Variants in LHFPL6 observed in about 807,000 individuals in gnomAD.
The protein encoded by LHFPL6 is LHFPL tetraspan subfamily member 6, also known as LHFPL tetraspan subfamily member 6 protein.
A neutral mutation model predicts 20.6 loss-of-function variants in LHFPL6; 9 were observed. The observed-to-expected ratio is 0.44, with a 90% CI of 0.26 to 0.76. The LOEUF (loss-of-function observed/expected upper bound fraction) is 0.76, where lower values mean the gene tolerates loss of function less well. Among genes scored for constraint, LHFPL6 ranks in the 30% least tolerant of loss-of-function variants. LHFPL6 has a pLI of 0.20. For synonymous variants in LHFPL6, 105 were observed against 98.7 expected (o/e 1.06, Z -0.38); for missense variants, 218 against 253.5 (o/e 0.86, Z 0.95).
intron 3 of LHFPL6, among the ~76,000 whole-genome samples, chr13:39,373,796 T>G (rs934447913): frequency 6.6e-6 from 1 of 152,078 alleles, no homozygotes. Context: ...TCACTAATTA[T>G]CAAAGAAATG....
chr13:39,402,373 C>T (rs1048105705), intron 2 of LHFPL6, among the ~76,000 whole-genome samples: 1 of 152,068 alleles, frequency 6.6e-6, no homozygotes, highest in African/African-American at 2.4e-5. Flanking sequence ...TATAGGCACG[C>T]ACCACTATGC....
At chr13:39,440,815 G>A (rs1265134679) in intron 2 of LHFPL6, among the ~76,000 whole-genome samples, 1 of 152,160 alleles carries the variant, frequency 6.6e-6, no homozygotes, top group Non-Finnish European at 1.5e-5. Flanking sequence ...GGTGGGAGAT[G>A]ATTGAATTAC....
intron 2 of LHFPL6, among the ~76,000 whole-genome samples, chr13:39,564,176 T>C (rs554191359): frequency 1.5e-4 from 23 of 152,162 alleles, no homozygotes; most frequent in African/African-American, 3.9e-4. Context: ...CGCAGACAAA[T>C]TGTCAAGGCC....
chr13:39,549,975 G>C (rs1871100039), intron 2 of LHFPL6, among the ~76,000 whole-genome samples: 1 of 152,098 alleles, frequency 6.6e-6, no homozygotes, highest in East Asian at 1.9e-4. Context: ...CTGGGAGGTT[G>C]GGAGAAAATG....
chr13:39,488,603 T>G (rs1868804052), intron 2 of LHFPL6, among the ~76,000 whole-genome samples: 1 of 152,184 alleles, frequency 6.6e-6, no homozygotes, highest in Non-Finnish European at 1.5e-5. Context: ...CGTGAAGAAA[T>G]TCTTACTACC....
chr13:39,554,076 A>G (rs929753595), intron 2 of LHFPL6, among the ~76,000 whole-genome samples: 3 of 152,190 alleles, frequency 2.0e-5, no homozygotes, highest in East Asian at 1.9e-4. Context: ...ATTTCATTCT[A>G]TAACTTTCTT....
At chr13:39,395,602 G>A (rs1566101721) in intron 2 of LHFPL6, among the ~76,000 whole-genome samples, 2 of 152,210 alleles carry the variant, frequency 1.3e-5, no homozygotes, top group Non-Finnish European at 2.9e-5. Context: ...GAGGTGCCGT[G>A]GACCTCAGTC....
chr13:39,364,062 G>A (rs1186374660), intron 3 of LHFPL6, among the ~76,000 whole-genome samples: 3 of 152,130 alleles, frequency 2.0e-5, no homozygotes, highest in South Asian at 4.1e-4. Context: ...TCACACATGC[G>A]ATCCATCATT....
intron 2 of LHFPL6, among the ~76,000 whole-genome samples, chr13:39,462,579 T>C (rs898308035): frequency 3.9e-5 from 6 of 152,178 alleles, no homozygotes; most frequent in Non-Finnish European, 7.3e-5. Context: ...TACACAAACC[T>C]GTATTAAGCA....
At chr13:39,468,743 T>C (rs1361410900) in intron 2 of LHFPL6, among the ~76,000 whole-genome samples, 1 of 152,162 alleles carries the variant, frequency 6.6e-6, no homozygotes, top group South Asian at 2.1e-4. Context: ...TCTCTGCATA[T>C]GATTACAATT....
chr13:39,485,458 C>A (rs928637364), intron 2 of LHFPL6, among the ~76,000 whole-genome samples: 2 of 152,108 alleles, frequency 1.3e-5, no homozygotes, highest in African/African-American at 2.4e-5. Flanking sequence ...ATTAGCAACC[C>A]TATGGGTCAA....
At chr13:39,599,333 T>C (rs377364868) in intron 2 of LHFPL6, among the ~76,000 whole-genome samples, 13 of 152,360 alleles carry the variant, frequency 8.5e-5, no homozygotes, top group African/African-American at 2.9e-4. Context: ...TTAAATACTC[T>C]TGGCATTAAT....
At chr13:39,379,428 A>G (rs1870381260) in intron 2 of LHFPL6, among the ~76,000 whole-genome samples, 2 of 152,206 alleles carry the variant, frequency 1.3e-5, no homozygotes, top group African/African-American at 2.4e-5. Flanking sequence ...CAACAGATAC[A>G]TAGTCTAATG....
rs1481874289 is a variant in LHFPL6 at position 39,603,164 on chromosome 13, G to T, written c.-456C>A. On this transcript the variant is annotated 5_prime_UTR_variant, in exon 1 of 4. Transcript: ENST00000379589. The stretch of plus-strand genomic sequence containing the variant: ...GCTGTGGGCGCGCGCGGGCGCCGGG[G>T]ATCGCACGCAGAGGAGCGGATCTCC... The T allele has an allele frequency of 6.6e-6, 1 of 152,376 alleles. No individual in the cohort carries two copies. The highest frequency in any genetic ancestry group is 1.5e-5 in the Non-Finnish European group (1 of 68,172). 9.4% of individuals were successfully genotyped at this position (152,376 alleles called of 1,614,324 possible).
At chr13:39,347,708 G>C (rs1869447229) in intron 3 of LHFPL6, among the ~76,000 whole-genome samples, 1 of 152,114 alleles carries the variant, frequency 6.6e-6, no homozygotes, top group Middle Eastern at 3.2e-3. Context: ...TGTGAGTCTT[G>C]GGAATAATCT....
intron 2 of LHFPL6, among the ~76,000 whole-genome samples, chr13:39,514,479 C>T (rs1869833959): frequency 6.6e-6 from 1 of 152,196 alleles, no homozygotes; most frequent in Non-Finnish European, 1.5e-5. Flanking sequence ...AGGTATTGTA[C>T]CTGCTCTGAA....
chr13:39,508,326 T>G (rs1232465541), intron 2 of LHFPL6, among the ~76,000 whole-genome samples: 1 of 152,146 alleles, frequency 6.6e-6, no homozygotes, highest in South Asian at 2.1e-4. Flanking sequence ...CCCCAGGCCA[T>G]AATTTACATA....
chr13:39,562,569 C>CATATACATAT (rs67177911), intron 2 of LHFPL6, among the ~76,000 whole-genome samples: 5 of 93,074 alleles, frequency 5.4e-5, no homozygotes, highest in Non-Finnish European at 1.2e-4. Context: ...TACATATACA[C>CATATACATAT]ATACATATAT....
chr13:39,600,520 G>C (rs760198436), intron 2 of LHFPL6, among the ~76,000 whole-genome samples: 4 of 152,080 alleles, frequency 2.6e-5, no homozygotes, highest in African/African-American at 9.7e-5. Context: ...TTAACATAAC[G>C]AACAAGAAGC....
Sources: gnomAD v4.1 joint callset for allele counts (sites outside exome capture counted in the v4.1 genomes callset) on GRCh38, gnomAD v4.1.1 for gene constraint, MANE v1.5 for transcripts, NCBI Gene and HGNC (gene_info 2026-07-23, HGNC 2026-07-21) for gene names.